LHFPL3: variants seen among roughly 807,000 people sequenced by gnomAD.
LHFPL3 encodes LHFPL tetraspan subfamily member 3 protein.
In LHFPL3, 5 loss-of-function variants were observed where a neutral mutation model predicts 19.3. The ratio of observed to expected loss-of-function variants is 0.26; its 90% CI spans 0.14 to 0.54. The LOEUF (loss-of-function observed/expected upper bound fraction) is 0.54. LHFPL3 is among the 20% of genes least tolerant of loss of function. The pLI is 0.94. For missense variants in LHFPL3, 249 were observed against 307.4 expected (o/e 0.81, Z 1.42); for synonymous variants, 133 against 126.2 (o/e 1.05, Z -0.36).
intron 1 of LHFPL3, among the ~76,000 whole-genome samples, chr7:104,609,250 G>A (rs796586179): frequency 9.9e-5 from 15 of 151,714 alleles, no homozygotes; most frequent in African/African-American, 3.6e-4. Flanking sequence ...AGGTGACAGA[G>A]CAAGATGCTG....
chr7:104,840,386 A>T (rs1215118969), intron 2 of LHFPL3, among the ~76,000 whole-genome samples: 2 of 141,736 alleles, frequency 1.4e-5, no homozygotes, highest in Non-Finnish European at 3.0e-5. Context: ...CACAATCGCG[A>T]CTATTACACC....
chr7:104,456,482 C>T (rs1792542792), intron 1 of LHFPL3, among the ~76,000 whole-genome samples: 2 of 152,148 alleles, frequency 1.3e-5, no homozygotes, highest in Admixed American at 1.3e-4. Context: ...TCAGATAGTA[C>T]CAAACCCAAT....
chr7:104,864,382 A>G (rs1791678688), intron 2 of LHFPL3, among the ~76,000 whole-genome samples: 1 of 151,938 alleles, frequency 6.6e-6, no homozygotes, highest in African/African-American at 2.4e-5. Context: ...AAAAGGGGTG[A>G]CAGATGGCAC....
chr7:104,344,117 C>G (rs1790017814), intron 1 of LHFPL3, among the ~76,000 whole-genome samples: 1 of 151,960 alleles, frequency 6.6e-6, no homozygotes, highest in South Asian at 2.1e-4. Flanking sequence ...TTGAAATGAT[C>G]AAATTACTTT....
intron 2 of LHFPL3, among the ~76,000 whole-genome samples, chr7:104,814,523 C>T (rs1335713951): frequency 6.6e-6 from 1 of 152,168 alleles, no homozygotes. Flanking sequence ...TACTCAGGTC[C>T]ACGGAACTGG....
At chr7:104,395,244 A>G (rs960049657) in intron 1 of LHFPL3, among the ~76,000 whole-genome samples, 4 of 152,340 alleles carry the variant, frequency 2.6e-5, no homozygotes, top group African/African-American at 4.8e-5. Context: ...CATGTAAAAA[A>G]TTAAATCTAA....
chr7:104,491,655 C>T (rs1562914411), intron 1 of LHFPL3, among the ~76,000 whole-genome samples: 1 of 152,094 alleles, frequency 6.6e-6, no homozygotes, highest in Non-Finnish European at 1.5e-5. Context: ...CACCCACTTC[C>T]CATTGGAAGT....
intron 1 of LHFPL3, among the ~76,000 whole-genome samples, chr7:104,464,278 C>G (rs998636311): frequency 6.6e-6 from 1 of 152,226 alleles, no homozygotes; most frequent in African/African-American, 2.4e-5. Flanking sequence ...TTGCAGGGTA[C>G]AGCCCCCTTC....
At chr7:104,382,487 C>G (rs1192691843) in intron 1 of LHFPL3, among the ~76,000 whole-genome samples, 1 of 152,136 alleles carries the variant, frequency 6.6e-6, no homozygotes, top group Non-Finnish European at 1.5e-5. Context: ...TCTGGTTACC[C>G]TCAAGCTTGG....
At chr7:104,582,518 A>T (rs568080545) in intron 1 of LHFPL3, among the ~76,000 whole-genome samples, 1 of 152,046 alleles carries the variant, frequency 6.6e-6, no homozygotes, top group Non-Finnish European at 1.5e-5. Flanking sequence ...ATGAGTAATA[A>T]GGGTAGACAT....
intron 1 of LHFPL3, among the ~76,000 whole-genome samples, chr7:104,520,400 A>C (rs1473826487): frequency 1.4e-5 from 2 of 146,910 alleles, no homozygotes; most frequent in African/African-American, 2.6e-5. Context: ...ATATTGGTCT[A>C]AAATTCTCTT....
intron 1 of LHFPL3, among the ~76,000 whole-genome samples, chr7:104,685,918 C>T (rs1036972256): frequency 2.0e-5 from 3 of 152,198 alleles, no homozygotes; most frequent in Non-Finnish European, 4.4e-5. Context: ...CCAAGCAAGA[C>T]TGAAGGAGCC....
intron 1 of LHFPL3, among the ~76,000 whole-genome samples, chr7:104,593,317 A>C (rs1245115378): frequency 2.6e-5 from 4 of 152,090 alleles, no homozygotes; most frequent in Non-Finnish European, 4.4e-5. Flanking sequence ...ATTCAGGAGC[A>C]GGTTGTTCAG....
intron 2 of LHFPL3, among the ~76,000 whole-genome samples, chr7:104,834,233 T>G (rs943586866): frequency 6.6e-6 from 1 of 151,598 alleles, no homozygotes; most frequent in Non-Finnish European, 1.5e-5. Flanking sequence ...ATCAATACTT[T>G]GCATCTTTCA....
intron 1 of LHFPL3, among the ~76,000 whole-genome samples, chr7:104,458,278 A>G (rs535874170): frequency 5.5e-4 from 83 of 152,074 alleles, no homozygotes; most frequent in Non-Finnish European, 1.0e-3. Flanking sequence ...AATCCATCTT[A>G]AATTAATTTT....
At chr7:104,819,823 G>C (rs1434086339) in intron 2 of LHFPL3, among the ~76,000 whole-genome samples, 2 of 152,176 alleles carry the variant, frequency 1.3e-5, no homozygotes, top group African/African-American at 2.4e-5. Flanking sequence ...GAAGGCACAT[G>C]GACAATTTAT....
chr7:104,394,773 T>G (rs971676530), intron 1 of LHFPL3, among the ~76,000 whole-genome samples: 1 of 152,096 alleles, frequency 6.6e-6, no homozygotes, highest in African/African-American at 2.4e-5. Context: ...CAATCTCAGC[T>G]GATTGCACCC....
rs1325857676 is a variant in LHFPL3 at position 104,518,838 on chromosome 7, GATAGATAGAATA to G, written c.445+189616_445+189627del. On this transcript the variant is annotated intron_variant, in intron 1 of 2. Transcript: ENST00000424859. ...AGATAGATAGATAGATAGATAGATA[GATAGATAGAATA>G]AATAAAAAAACTGTGATGCAAGAGC... 8.1e-3 allele frequency among the ~76,000 whole-genome samples: 1,216 copies of G among 150,300 alleles called. 16 individuals carry two copies. The highest frequency in any genetic ancestry group is 0.028 in the African/African-American group (1,125 of 39,966).
chr7:104,752,036 G>A lies in LHFPL3; in HGVS notation c.682+15125G>A, dbSNP rs537511498. ...GGGTGGCCGATACTGAAGTTCAGCC[G>A]GCGGCCAGTATTGATAGGCTACTGG... On this transcript the variant is annotated intron_variant, in intron 2 of 2. Transcript: ENST00000424859. 4.5e-3 allele frequency among the ~76,000 whole-genome samples: 686 copies of A among 152,170 alleles called. 7 individuals are homozygous for A. Among genetic ancestry groups the A allele is most frequent in the African/African-American group, 0.015 (610 of 41,496 alleles).
Sources: allele counts gnomAD v4.1 joint callset (sites outside exome capture counted in the v4.1 genomes callset), GRCh38; gene constraint gnomAD v4.1.1; transcripts MANE v1.5; gene names NCBI Gene and HGNC (gene_info 2026-07-23, HGNC 2026-07-21).